Variants in CDH4 observed in about 807,000 individuals in gnomAD.
The protein encoded by CDH4 is cadherin-4.
A neutral mutation model predicts 86.0 loss-of-function variants in CDH4; 33 were observed. The observed-to-expected ratio is 0.38, with a 90% CI of 0.29 to 0.51. The LOEUF (loss-of-function observed/expected upper bound fraction) is 0.51, where lower values mean the gene tolerates loss of function less well. Among genes scored for constraint, CDH4 ranks in the 20% least tolerant of loss-of-function variants. The pLI is 0.86. For missense variants in CDH4, 1,114 were observed against 1,307.4 expected (o/e 0.85, Z 2.28); for synonymous variants, 555 against 549.4 (o/e 1.01, Z -0.14).
At chr20:61,385,477 G>T (rs1186302315) in intron 2 of CDH4, among the ~76,000 whole-genome samples, 4 of 151,980 alleles carry the variant, frequency 2.6e-5, no homozygotes, top group African/African-American at 9.7e-5. Flanking sequence ...CTTGGATTGT[G>T]GTCTCAAGAA....
At chr20:61,854,888 G>A (rs1339580671) in intron 6 of CDH4, among the ~76,000 whole-genome samples, 1 of 143,170 alleles carries the variant, frequency 7.0e-6, no homozygotes. Flanking sequence ...CCCCAGGGCT[G>A]TAATGTCAAC....
intron 2 of CDH4, among the ~76,000 whole-genome samples, chr20:61,574,396 A>C (rs2086367222): frequency 6.6e-6 from 1 of 152,214 alleles, no homozygotes; most frequent in East Asian, 1.9e-4. Context: ...AGTGGGAGTC[A>C]TGGAGCACCT....
chr20:61,329,839 C>G (rs2084561953), intron 2 of CDH4, among the ~76,000 whole-genome samples: 1 of 120,420 alleles, frequency 8.3e-6, no homozygotes, highest in South Asian at 2.8e-4. Context: ...TGATGTTCTC[C>G]CTCCCCCCCA....
In CDH4 at chr20:61,571,284, G is replaced by A. The variant is rs1232774182; in HGVS notation, c.170-172279G>A. Among the ~76,000 whole-genome samples, 4 of 152,166 alleles carry A rather than the reference G, an allele frequency of 2.6e-5. No individual in the cohort carries two copies. In the East Asian group the frequency reaches 7.7e-4, roughly 29 times the overall value. On this transcript the variant is annotated intron_variant, in intron 2 of 15. Transcript: ENST00000614565. The stretch of plus-strand genomic sequence containing the variant: ...TTCCACAGCCTTTTGATGTCTGGGA[G>A]GACCCTGGCATCCTCAGGCACACTC...
chr20:61,357,861 G>A (rs2084760335), intron 2 of CDH4, among the ~76,000 whole-genome samples: 1 of 152,156 alleles, frequency 6.6e-6, no homozygotes. Context: ...GATCCCCAAG[G>A]GCAGGAACAA....
intron 2 of CDH4, among the ~76,000 whole-genome samples, chr20:61,686,647 G>A (rs4925272): frequency 0.16 from 23,834 of 150,462 alleles, 2,218 homozygotes; most frequent in East Asian, 0.36. Flanking sequence ...GTGTGCATTC[G>A]CGTGTGTGCA....
intron 6 of CDH4, among the ~76,000 whole-genome samples, chr20:61,867,149 G>T (rs995034281): frequency 2.0e-5 from 3 of 152,362 alleles, no homozygotes; most frequent in African/African-American, 7.2e-5. Flanking sequence ...ATGCATGTTT[G>T]ACTCTGAGCC....
At chr20:61,322,174 G>T (rs530856119) in intron 2 of CDH4, among the ~76,000 whole-genome samples, 1 of 152,134 alleles carries the variant, frequency 6.6e-6, no homozygotes, top group African/African-American at 2.4e-5. Context: ...GGTTGGTGCC[G>T]TCTGTGTGCT....
intron 3 of CDH4, among the ~76,000 whole-genome samples, 155 bp from the exon 4 acceptor site, chr20:61,772,848 C>A (rs1226557066): frequency 4.6e-5 from 7 of 151,366 alleles, no homozygotes; most frequent in African/African-American, 1.7e-4. Flanking sequence ...CCTTTCCCAG[C>A]GTTATCCCGC....
chr20:61,293,760 G>A (rs2084336261), intron 2 of CDH4, among the ~76,000 whole-genome samples: 1 of 152,218 alleles, frequency 6.6e-6, no homozygotes, highest in Admixed American at 6.5e-5. Context: ...TGCTCTTGCT[G>A]AGGCCAAGAA....
chr20:61,340,949 T>A (rs2084646425), intron 2 of CDH4, among the ~76,000 whole-genome samples: 1 of 152,202 alleles, frequency 6.6e-6, no homozygotes, highest in African/African-American at 2.4e-5. Flanking sequence ...GAACTAGGTG[T>A]TGGCTTAAAT....
chr20:61,565,050 C>CTGGTGGTGCTCTTGGTGG (rs2086253730), intron 2 of CDH4, among the ~76,000 whole-genome samples: 1 of 75,516 alleles, frequency 1.3e-5, no homozygotes, highest in Non-Finnish European at 2.6e-5. Context: ...TTTGCTGCCA[C>CTGGTGGTGCTCTTGGTGG]TGGTGGTGCT....
chr20:61,690,485 G>A (rs994563922), intron 2 of CDH4, among the ~76,000 whole-genome samples: 10 of 152,116 alleles, frequency 6.6e-5, no homozygotes, highest in Admixed American at 1.3e-4. Context: ...TGGAAAGGCC[G>A]AGGCCAAGGA....
At chr20:61,890,517 T>G (rs1201852801) in intron 7 of CDH4, among the ~76,000 whole-genome samples, 1 of 151,188 alleles carries the variant, frequency 6.6e-6, no homozygotes, top group Non-Finnish European at 1.5e-5. Flanking sequence ...TGATGGATGC[T>G]GGACAGGTGG....
intron 2 of CDH4, among the ~76,000 whole-genome samples, chr20:61,707,997 G>T (rs928215997): frequency 1.3e-5 from 2 of 152,184 alleles, no homozygotes; most frequent in African/African-American, 4.8e-5. Flanking sequence ...AGGCTTTGGA[G>T]GGAGAGACAG....
chr20:61,591,999 C>T (rs1009443949), intron 2 of CDH4, among the ~76,000 whole-genome samples: 18 of 152,162 alleles, frequency 1.2e-4, no homozygotes, highest in South Asian at 2.1e-4. Context: ...AACAGACTGA[C>T]GCGTTCCTTT....
At chr20:61,444,184 CT>C in intron 2 of CDH4, among the ~76,000 whole-genome samples, 1 of 110,782 alleles carries the variant, frequency 9.0e-6, no homozygotes, top group East Asian at 2.8e-4. Flanking sequence ...CTTTGTGGAT[CT>C]CTCTATGTGG....
rs1268269055 is a variant in CDH4 at position 61,274,267 on chromosome 20, GTGCAGTTTGGGGGAGTACCATA to G, written c.169+19349_169+19370del. Among the ~76,000 whole-genome samples the G allele has an allele frequency of 7.6e-4, 105 of 139,042 alleles. 1 individual carries two copies. Among genetic ancestry groups the G allele is most frequent in the Non-Finnish European group, 3.0e-4 (20 of 65,844 alleles). 91.2% of individuals were successfully genotyped at this position (139,042 alleles called of 152,430 possible). Reference sequence around the variant, plus strand: ...CATGTACAGTTTGGGGGAGTACCATGTGCAGTTTGGGGGAGTACCATATGCAGTTTGGGGGAGTACTATGTGC... The same window carrying G: ...CATGTACAGTTTGGGGGAGTACCATGTGCAGTTTGGGGGAGTACTATGTGC... On this transcript the variant is annotated intron_variant, in intron 2 of 15. Coordinates refer to ENST00000614565, the MANE Select transcript of CDH4 (RefSeq NM_001794.5).
At position 61,849,552 on chromosome 20, in the gene CDH4, C is replaced by T. The variant is rs537387354; in HGVS notation, c.733-3202C>T. Among the ~76,000 whole-genome samples the T allele has an allele frequency of 4.0e-4, 61 of 151,906 alleles. No individual in the cohort carries two copies. The South Asian group carries it at 4.4e-3, about 11-fold the overall frequency. Reference sequence around the variant, plus strand: ...AGGGAGGATCTGCCTCTAGGCTCACCGGCCTGGGTGCTCCCCCGGCCCTAG... The same window carrying T: ...AGGGAGGATCTGCCTCTAGGCTCACTGGCCTGGGTGCTCCCCCGGCCCTAG... On this transcript the variant is annotated intron_variant, in intron 5 of 15. Transcript: ENST00000614565.
Sources: gnomAD v4.1 joint callset for allele counts (sites outside exome capture counted in the v4.1 genomes callset) on GRCh38, gnomAD v4.1.1 for gene constraint, MANE v1.5 for transcripts, NCBI Gene and HGNC (gene_info 2026-07-23, HGNC 2026-07-21) for gene names.